Variants in RB1 observed in about 807,000 individuals in gnomAD.
RB1 encodes retinoblastoma-associated protein.
Under a neutral mutation model 135.4 loss-of-function variants are expected in RB1, and 18 were observed. The ratio of observed to expected loss-of-function variants is 0.13; its 90% CI spans 0.09 to 0.20. RB1 has a LOEUF of 0.20. Among genes scored for constraint, RB1 ranks in the 10% least tolerant of loss-of-function variants. The pLI is 1.00. For synonymous variants in RB1, 365 were observed against 373.2 expected (o/e 0.98, Z 0.25); for missense variants, 868 against 1,110.0 (o/e 0.78, Z 3.10).
At chr13:48,345,229 T>G in intron 4 of RB1, 30 bp downstream of exon 4, 1 of 1,597,668 alleles carries the variant, frequency 6.3e-7, no homozygotes, top group Non-Finnish European at 8.5e-7. Flanking sequence ...AGGTTTACAC[T>G]CTGATTTTTT....
At chr13:48,348,007 A>G in intron 5 of RB1, 144 bp downstream of exon 5, 1 of 639,928 alleles carries the variant, frequency 1.6e-6, no homozygotes. Flanking sequence ...AGTCCTGTGT[A>G]GATTATTTAT....
chr13:48,445,916 T>C lies in RB1; in HGVS notation c.1696-7077T>C, dbSNP rs1949283975. On this transcript the variant is annotated intron_variant, in intron 17 of 26. Coordinates refer to ENST00000267163, the MANE Select transcript of RB1 (RefSeq NM_000321.3). Reference sequence around the variant, plus strand: ...ATGGGGGAAAGGAGCAGATAACACATATTTTTAGAGGATTTAGAGTATATA... The same window carrying C: ...ATGGGGGAAAGGAGCAGATAACACACATTTTTAGAGGATTTAGAGTATATA... Among the ~76,000 whole-genome samples, 6 of 152,244 alleles carry C rather than the reference T, an allele frequency of 3.9e-5. 1 individual carries two copies. The South Asian group carries it at 1.2e-3, about 32-fold the overall frequency.
chr13:48,320,133 C>T, intron 2 of RB1: 1 of 792,106 alleles, frequency 1.3e-6, no homozygotes, highest in Non-Finnish European at 2.0e-6. Flanking sequence ...CTAGCACCAA[C>T]GGGCCAAAGT....
chr13:48,423,301 G>C (rs1420948544), intron 17 of RB1, among the ~76,000 whole-genome samples: 1 of 152,140 alleles, frequency 6.6e-6, no homozygotes, highest in Non-Finnish European at 1.5e-5. Flanking sequence ...TTGAGACGGA[G>C]TCTTGCTCTG....
At chr13:48,446,927 G>T (rs768318347) in intron 17 of RB1, among the ~76,000 whole-genome samples, 2 of 152,136 alleles carry the variant, frequency 1.3e-5, no homozygotes, top group Non-Finnish European at 2.9e-5. Context: ...GGGTTAGGGA[G>T]TAACATATTA....
At chr13:48,369,232 CCCA>C (rs1952734227) in intron 11 of RB1, among the ~76,000 whole-genome samples, 1 of 152,160 alleles carries the variant, frequency 6.6e-6, no homozygotes, top group African/African-American at 2.4e-5. Context: ...TCACTCATTT[CCCA>C]CATCAAAATC....
At chr13:48,321,668 T>A (rs2515669) in intron 2 of RB1, among the ~76,000 whole-genome samples, 118,596 of 151,862 alleles carry the variant, frequency 0.78, 51,926 homozygotes, top group Non-Finnish European at 0.97. Flanking sequence ...CCAGCCTGGC[T>A]AACATGGTGA....
chr13:48,331,925 T>A (rs978117980), intron 2 of RB1, among the ~76,000 whole-genome samples: 3 of 152,222 alleles, frequency 2.0e-5, no homozygotes, highest in Admixed American at 6.5e-5. Flanking sequence ...GATAAACCCA[T>A]TGTAAGTCAA....
At chr13:48,338,640 C>T (rs550682683) in intron 2 of RB1, among the ~76,000 whole-genome samples, 7 of 152,208 alleles carry the variant, frequency 4.6e-5, no homozygotes, top group Admixed American at 6.5e-5. Flanking sequence ...TTCTTTAGCT[C>T]GGAGAAGTTT....
At chr13:48,371,141 C>G (rs1359528020) in intron 11 of RB1, among the ~76,000 whole-genome samples, 1 of 152,148 alleles carries the variant, frequency 6.6e-6, no homozygotes, top group Non-Finnish European at 1.5e-5. Flanking sequence ...CCTTATATGC[C>G]ATACTCACAA....
intron 13 of RB1, among the ~76,000 whole-genome samples, chr13:48,379,054 T>C (rs1199150962): frequency 6.6e-6 from 1 of 152,184 alleles, no homozygotes; most frequent in African/African-American, 2.4e-5. Flanking sequence ...CTGTGTCAGT[T>C]TTACTAAATT....
At chr13:48,387,735 GT>G (rs1037197398) in intron 17 of RB1, among the ~76,000 whole-genome samples, 13 of 152,030 alleles carry the variant, frequency 8.6e-5, no homozygotes, top group Non-Finnish European at 1.8e-4. Context: ...TTAAATTTCT[GT>G]TTTAATTAAA....
At chr13:48,472,356 G>T (rs1214671075) in intron 23 of RB1, among the ~76,000 whole-genome samples, 2 of 152,132 alleles carry the variant, frequency 1.3e-5, no homozygotes, top group Admixed American at 6.5e-5. Flanking sequence ...ATGCTCTCAT[G>T]TGTCTCTGTA....
chr13:48,478,944 C>T (rs191810866), intron 26 of RB1, among the ~76,000 whole-genome samples: 15 of 152,172 alleles, frequency 9.9e-5, no homozygotes, highest in Admixed American at 4.6e-4. Flanking sequence ...GGCCATGCCC[C>T]GGGTAGGCAT....
At chr13:48,353,148 T>C (rs1952563249) in intron 6 of RB1, among the ~76,000 whole-genome samples, 1 of 151,636 alleles carries the variant, frequency 6.6e-6, no homozygotes, top group Non-Finnish European at 1.5e-5. Context: ...TTGCAAAAGA[T>C]CAATGAAACA....
At chr13:48,411,451 A>T in intron 17 of RB1, 1 of 1,613,406 alleles carries the variant, frequency 6.2e-7, no homozygotes. Flanking sequence ...TGCTGAATAA[A>T]ATTCTCTGCA....
chr13:48,343,167 A>G (rs946418530), intron 3 of RB1, among the ~76,000 whole-genome samples: 9 of 152,292 alleles, frequency 5.9e-5, no homozygotes, highest in Middle Eastern at 3.4e-3. Context: ...TGATTTGAAC[A>G]TGCTACAATA....
At chr13:48,435,069 A>G (rs1228139032) in intron 17 of RB1, among the ~76,000 whole-genome samples, 1 of 152,190 alleles carries the variant, frequency 6.6e-6, no homozygotes, top group Non-Finnish European at 1.5e-5. Flanking sequence ...CTCTGGGATA[A>G]ATGCCTAATG....
intron 12 of RB1, among the ~76,000 whole-genome samples, chr13:48,375,478 T>G (rs78391287): frequency 7.0e-6 from 1 of 143,710 alleles, no homozygotes. Context: ...TTGTGTGCTG[T>G]TTTTTTTTTT....
Sources: gnomAD v4.1 joint callset for allele counts (sites outside exome capture counted in the v4.1 genomes callset) on GRCh38, gnomAD v4.1.1 for gene constraint, MANE v1.5 for transcripts, NCBI Gene and HGNC (gene_info 2026-07-23, HGNC 2026-07-21) for gene names.